The following PLXNA4 variants were observed in gnomAD, a reference collection of about 807,000 sequenced individuals.
PLXNA4 encodes the protein plexin-A4.
In PLXNA4, 44 loss-of-function variants were observed where a neutral mutation model predicts 191.8. That is an observed-to-expected ratio of 0.23 (90% CI 0.18 to 0.29). PLXNA4 has a LOEUF of 0.29. PLXNA4 is among the 10% of genes least tolerant of loss of function. The probability of loss-of-function intolerance (pLI) is 1.00; values close to 1 mark genes in which losing one functional copy is unlikely to be tolerated. For missense variants in PLXNA4, 1,800 were observed against 2,488.8 expected (o/e 0.72, Z 5.89); for synonymous variants, 1,082 against 1,009.5 (o/e 1.07, Z -1.36).
chr7:132,526,196 C>T (rs576505060), intron 1 of PLXNA4, among the ~76,000 whole-genome samples: 7 of 152,250 alleles, frequency 4.6e-5, no homozygotes, highest in Non-Finnish European at 7.4e-5. Context: ...GGAGAAGCAA[C>T]GGGTGCGAGT....
chr7:132,561,179 C>A (rs758778977), intron 1 of PLXNA4, among the ~76,000 whole-genome samples: 3 of 152,060 alleles, frequency 2.0e-5, no homozygotes, highest in Admixed American at 1.3e-4. Flanking sequence ...TCTCACCTCT[C>A]TGTGCTGCTT....
At chr7:132,207,746 C>T (rs1797673386) in intron 10 of PLXNA4, among the ~76,000 whole-genome samples, 1 of 152,230 alleles carries the variant, frequency 6.6e-6, no homozygotes, top group South Asian at 2.1e-4. Flanking sequence ...GATCCCTTGT[C>T]CAAGGCTGTT....
intron 3 of PLXNA4, among the ~76,000 whole-genome samples, chr7:132,318,732 T>G (rs1326701621): frequency 7.0e-6 from 1 of 142,920 alleles, no homozygotes; most frequent in Non-Finnish European, 1.5e-5. Context: ...AAGGGAGAAA[T>G]CGAACCCATC....
chr7:132,413,401 C>A (rs1794537719), intron 3 of PLXNA4, among the ~76,000 whole-genome samples: 1 of 152,206 alleles, frequency 6.6e-6, no homozygotes, highest in Non-Finnish European at 1.5e-5. Context: ...ACAACCAGGA[C>A]AACTCTGACC....
chr7:132,241,222 G>T, intron 4 of PLXNA4, 56 bp from the exon 5 acceptor site: 1 of 1,210,810 alleles, frequency 8.3e-7, no homozygotes, highest in Non-Finnish European at 1.2e-6. Context: ...ACCCAGCAGT[G>T]TACCAGAAGA....
At chr7:132,512,710 C>A (rs553127346) in intron 1 of PLXNA4, among the ~76,000 whole-genome samples, 24 of 152,184 alleles carry the variant, frequency 1.6e-4, no homozygotes, top group African/African-American at 5.8e-4. Context: ...AGCCACCAGC[C>A]CCCTGTCTCC....
At chr7:132,588,326 G>A (rs1360031537) in intron 2 of PLXNA4, among the ~76,000 whole-genome samples, 1 of 151,746 alleles carries the variant, frequency 6.6e-6, no homozygotes, top group Non-Finnish European at 1.5e-5. Flanking sequence ...CTCTCCCTTG[G>A]GAGAAATTAT....
intron 2 of PLXNA4, among the ~76,000 whole-genome samples, chr7:132,594,976 AATAGATAG>A (rs376281990): frequency 0.023 from 2,554 of 109,578 alleles, 30 homozygotes; most frequent in East Asian, 0.093. Context: ...ATTGATAGAT[AATAGATAG>A]ATAGATAGAT....
In PLXNA4 at chr7:132,639,035, G is replaced by C. The variant is rs191444188; in HGVS notation, c.-87+6893C>G. ...GCACCCCTCGCATGGTGCTCTAGGG[G>C]TTGGCATCCCAGAGCAGCAACTCTG... On this transcript the variant is annotated intron_variant, in intron 2 of 4. Transcript: ENST00000378539. Among the ~76,000 whole-genome samples the C allele has an allele frequency of 3.5e-3, 530 of 152,272 alleles. 4 individuals carry two copies. Among genetic ancestry groups the C allele is most frequent in the African/African-American group, 0.012 (515 of 41,556 alleles).
chr7:132,378,164 G>A (rs372780741), intron 3 of PLXNA4, among the ~76,000 whole-genome samples: 10 of 152,134 alleles, frequency 6.6e-5, no homozygotes, highest in African/African-American at 9.7e-5. Context: ...GAGTCATGAC[G>A]GTACCTGGAA....
intron 3 of PLXNA4, among the ~76,000 whole-genome samples, chr7:132,480,000 TATGTA>T: frequency 1.3e-5 from 2 of 152,118 alleles, no homozygotes; most frequent in African/African-American, 4.8e-5. Flanking sequence ...TATAAAGAAC[TATGTA>T]CACTTCTGAA....
chr7:132,523,943 C>T (rs746001652), intron 1 of PLXNA4, among the ~76,000 whole-genome samples: 1 of 152,144 alleles, frequency 6.6e-6, no homozygotes, highest in Non-Finnish European at 1.5e-5. Context: ...AGAGGGCCCA[C>T]CTGGCCCAGG....
chr7:132,645,838 G>C (rs1414285641), intron 2 of PLXNA4: 1 of 152,692 alleles, frequency 6.5e-6, no homozygotes, highest in Non-Finnish European at 1.5e-5. Flanking sequence ...GGTCAGAGCA[G>C]TGAGGAAGAG....
intron 1 of PLXNA4, among the ~76,000 whole-genome samples, chr7:132,548,707 G>C (rs1800417802): frequency 6.6e-6 from 1 of 152,150 alleles, no homozygotes. Context: ...TCTTGAATAG[G>C]GGATGGGTAA....
At chr7:132,585,476 C>T (rs1563187411) in intron 2 of PLXNA4, among the ~76,000 whole-genome samples, 1 of 152,030 alleles carries the variant, frequency 6.6e-6, no homozygotes, top group Non-Finnish European at 1.5e-5. Flanking sequence ...AACAAATGAG[C>T]CTGGCCCCCA....
chr7:132,160,229 C>T (rs1245915532), intron 24 of PLXNA4, among the ~76,000 whole-genome samples: 2 of 152,156 alleles, frequency 1.3e-5, no homozygotes, highest in Non-Finnish European at 2.9e-5. Flanking sequence ...CTATAAGACA[C>T]TTAATGTATT....
At chr7:132,202,865 G>C (rs376236439) in intron 11 of PLXNA4, 29 bp from the exon 12 acceptor site, 11 of 1,511,732 alleles carry the variant, frequency 7.3e-6, no homozygotes, top group Middle Eastern at 3.6e-4. Context: ...AGGACAAGGG[G>C]TGCTTGGGAA....
chr7:132,303,782 C>T (rs1236754198), intron 3 of PLXNA4, among the ~76,000 whole-genome samples: 1 of 152,152 alleles, frequency 6.6e-6, no homozygotes, highest in East Asian at 1.9e-4. Context: ...AGTGCCAGCC[C>T]CGCCTTCCAG....
chr7:132,133,350 GTCTC>G (rs1213870750), intron 30 of PLXNA4, 151 bp from the exon 31 acceptor site: 1 of 1,350,038 alleles, frequency 7.4e-7, no homozygotes, highest in Non-Finnish European at 9.9e-7. Context: ...GACCACTGTG[GTCTC>G]TCTCTCATCT....
Sources: gnomAD v4.1 joint callset for allele counts (sites outside exome capture counted in the v4.1 genomes callset) on GRCh38, gnomAD v4.1.1 for gene constraint, MANE v1.5 for transcripts, NCBI Gene and HGNC (gene_info 2026-07-23, HGNC 2026-07-21) for gene names.